The following IQGAP2 variants were observed in gnomAD, a reference collection of about 807,000 sequenced individuals.
IQGAP2 encodes the protein IQ motif containing GTPase activating protein 2, also known as ras GTPase-activating-like protein IQGAP2.
IQGAP2 carries 173 observed loss-of-function variants against 201.3 expected under a neutral mutation model. That is an observed-to-expected ratio of 0.86 (90% CI 0.76 to 0.98). IQGAP2 has a LOEUF of 0.98. Among genes scored for constraint, IQGAP2 ranks in the 50% least tolerant of loss-of-function variants. The pLI is 0.00. For synonymous variants in IQGAP2, 675 were observed against 673.9 expected, an observed-to-expected ratio of 1.00 and a Z score of -0.03; for missense variants, 1,687 against 1,864.8, an observed-to-expected ratio of 0.90 and a Z score of 1.76.
At chr5:76,623,347 G>C (rs1393197422) in intron 13 of IQGAP2, 2 of 1,278,854 alleles carry the variant, frequency 1.6e-6, no homozygotes, top group African/African-American at 2.9e-5. Flanking sequence ...GTCTGTAGAA[G>C]TTTGCTCTCC....
chr5:76,654,725 C>G (rs1295878556), intron 19 of IQGAP2, among the ~76,000 whole-genome samples: 1 of 152,146 alleles, frequency 6.6e-6, no homozygotes, highest in Non-Finnish European at 1.5e-5. Flanking sequence ...GGCAGTTCCC[C>G]TACAGTCTTG....
rs191208611 is a variant in IQGAP2 at position 76,573,614 on chromosome 5, T to C, written c.382-2079T>C. Among the ~76,000 whole-genome samples the C allele has an allele frequency of 5.1e-3, 781 of 152,228 alleles. 6 individuals are homozygous for C. Among genetic ancestry groups the C allele is most frequent in the African/African-American group, 0.017 (714 of 41,524 alleles). On this transcript the variant is annotated intron_variant, in intron 4 of 35. Transcript: ENST00000274364. ...AAAAAACTTTAAACCGGTAATACTCTTTTTTGTTGTTTTTTGAGACGGAGT... is the reference window on the plus strand; with the variant it reads ...AAAAAACTTTAAACCGGTAATACTCCTTTTTGTTGTTTTTTGAGACGGAGT...
chr5:76,600,321 A>G (rs1747343143), intron 10 of IQGAP2, among the ~76,000 whole-genome samples: 1 of 152,166 alleles, frequency 6.6e-6, no homozygotes, highest in Non-Finnish European at 1.5e-5. Context: ...CTTTTTTTGA[A>G]TTAAATCAGT....
chr5:76,684,279 C>T (rs905562159), intron 30 of IQGAP2, among the ~76,000 whole-genome samples: 16 of 152,046 alleles, frequency 1.1e-4, no homozygotes, highest in African/African-American at 3.6e-4. Context: ...CGTTTATTTC[C>T]GGTATAAAAT....
intron 1 of IQGAP2, among the ~76,000 whole-genome samples, chr5:76,447,576 C>T (rs546677983): frequency 6.6e-6 from 1 of 152,160 alleles, no homozygotes; most frequent in Non-Finnish European, 1.5e-5. Context: ...ATGCTTCTTC[C>T]CAGGAATGAT....
intron 13 of IQGAP2, among the ~76,000 whole-genome samples, chr5:76,615,005 T>A (rs1468377766): frequency 6.6e-6 from 1 of 152,202 alleles, no homozygotes; most frequent in Admixed American, 6.5e-5. Context: ...CTGGGTCCTC[T>A]TTAGCAGTAT....
chr5:76,424,496 G>A (rs1445201710), intron 1 of IQGAP2, among the ~76,000 whole-genome samples: 1 of 151,722 alleles, frequency 6.6e-6, no homozygotes, highest in African/African-American at 2.4e-5. Context: ...TAGTAGAGGT[G>A]GGGTTTCACC....
In IQGAP2 at chr5:76,631,898, GA is replaced by G. The variant is rs745417800; in HGVS notation, c.1659del (p.Lys553AsnfsTer9). ...LVVDVNQCLE[G>X]KKSSDILSVL... is the part of the protein sequence containing the mutation. The stretch of plus-strand genomic sequence containing the variant: ...GTTGATGTTAATCAGTGTTTGGAAG[GA>G]AAAAAATCAAGTGATATTTTGTCTG... On this transcript the variant is annotated frameshift_variant, in exon 15 of 36. Transcript: ENST00000274364. LOFTEE classifies it high-confidence loss of function. 1.2e-6 allele frequency: 2 copies of G among 1,608,942 alleles called. No homozygotes were observed. The highest frequency in any genetic ancestry group is 2.2e-5 in the East Asian group (1 of 44,692).
intron 2 of IQGAP2, among the ~76,000 whole-genome samples, chr5:76,498,051 C>A (rs1472752817): frequency 6.6e-6 from 1 of 152,152 alleles, no homozygotes; most frequent in Non-Finnish European, 1.5e-5. Context: ...GGGCTTCTTA[C>A]AGTTTGGAAC....
chr5:76,700,535 A>C (rs1460433949), intron 33 of IQGAP2, among the ~76,000 whole-genome samples: 2 of 152,138 alleles, frequency 1.3e-5, no homozygotes, highest in African/African-American at 2.4e-5. Flanking sequence ...CCAAAAAAGC[A>C]AAGAGTACCA....
chr5:76,533,294 G>A (rs1236691383), intron 2 of IQGAP2, among the ~76,000 whole-genome samples: 2 of 152,086 alleles, frequency 1.3e-5, no homozygotes, highest in Admixed American at 1.3e-4. Context: ...GGATGATAGA[G>A]GGATGGTGCA....
intron 2 of IQGAP2, among the ~76,000 whole-genome samples, chr5:76,557,855 G>A (rs1390223179): frequency 1.3e-5 from 2 of 152,058 alleles, no homozygotes; most frequent in Non-Finnish European, 2.9e-5. Flanking sequence ...CGCCCAGGCT[G>A]GAGTGGAGTG....
chr5:76,447,550 T>G (rs969065451), intron 1 of IQGAP2, among the ~76,000 whole-genome samples: 1 of 152,216 alleles, frequency 6.6e-6, no homozygotes, highest in African/African-American at 2.4e-5. Flanking sequence ...TCGGTGGGTC[T>G]AGGGTCTTGA....
At chr5:76,514,618 C>T (rs75675660) in intron 2 of IQGAP2, among the ~76,000 whole-genome samples, 2 of 152,200 alleles carry the variant, frequency 1.3e-5, no homozygotes, top group African/African-American at 2.4e-5. Context: ...ACCTGCATCA[C>T]GTGGTCTGTC....
intron 1 of IQGAP2, among the ~76,000 whole-genome samples, chr5:76,430,512 C>A (rs2150090992): frequency 6.6e-6 from 1 of 152,310 alleles, no homozygotes; most frequent in Middle Eastern, 3.4e-3. Context: ...CTCCACAGAA[C>A]AAATGTTCCA....
chr5:76,618,613 T>C (rs368090087), intron 13 of IQGAP2: 2 of 1,612,882 alleles, frequency 1.2e-6, no homozygotes, highest in Non-Finnish European at 1.7e-6. Flanking sequence ...AAGGTTGGCT[T>C]TGCCAAGTTG....
At chr5:76,636,807 C>G (rs751989977) in intron 15 of IQGAP2, among the ~76,000 whole-genome samples, 11 of 152,202 alleles carry the variant, frequency 7.2e-5, no homozygotes, top group Non-Finnish European at 1.3e-4. Flanking sequence ...GATTTAAGTT[C>G]CAGAGCTAGC....
intron 1 of IQGAP2, among the ~76,000 whole-genome samples, chr5:76,451,703 C>T (rs1397828516): frequency 6.6e-6 from 1 of 152,114 alleles, no homozygotes; most frequent in Non-Finnish European, 1.5e-5. Flanking sequence ...AATGCTTATT[C>T]CTCATTATTA....
chr5:76,453,005 G>T lies in IQGAP2; in HGVS notation c.47-8565G>T, dbSNP rs191834589. Among the ~76,000 whole-genome samples the T allele has an allele frequency of 8.6e-4, 128 of 149,368 alleles. 1 individual carries two copies. Among genetic ancestry groups the T allele is most frequent in the African/African-American group, 2.6e-3 (105 of 40,466 alleles). On this transcript the variant is annotated intron_variant, in intron 1 of 35. Transcript: ENST00000274364. Reference sequence around the variant, plus strand: ...GGCTCACTGCAACCTCCGCCTCCCAGGTCCCAGTTAAGCAATTCTCCTGCC... The same window carrying T: ...GGCTCACTGCAACCTCCGCCTCCCATGTCCCAGTTAAGCAATTCTCCTGCC...
Sources: gnomAD v4.1 joint callset for allele counts (sites outside exome capture counted in the v4.1 genomes callset) on GRCh38, gnomAD v4.1.1 for gene constraint, MANE v1.5 for transcripts, NCBI Gene and HGNC (gene_info 2026-07-23, HGNC 2026-07-21) for gene names.